SPOCK3: variants seen among roughly 807,000 people sequenced by gnomAD.
SPOCK3 encodes the protein SPARC (osteonectin), cwcv and kazal like domains proteoglycan 3, also known as testican-3.
SPOCK3 carries 30 observed loss-of-function variants against 56.6 expected under a neutral mutation model. The observed-to-expected ratio is 0.53, with a 90% CI of 0.40 to 0.72. The LOEUF (loss-of-function observed/expected upper bound fraction) is 0.72, where lower values mean the gene tolerates loss of function less well. Ranked by LOEUF, SPOCK3 falls within the 30% of genes least tolerant of loss-of-function variation. The pLI is 0.00. For missense variants in SPOCK3, 527 were observed against 530.0 expected (o/e 0.99, Z 0.06); for synonymous variants, 196 against 183.3 (o/e 1.07, Z -0.56).
At chr4:167,097,207 T>C (rs72699642) in intron 2 of SPOCK3, among the ~76,000 whole-genome samples, 14,125 of 151,962 alleles carry the variant, frequency 0.093, 949 homozygotes, top group Admixed American at 0.22. Context: ...ATATCTAACA[T>C]TTAAATAACT....
chr4:166,946,412 G>C (rs941580176), intron 4 of SPOCK3, among the ~76,000 whole-genome samples: 1 of 152,178 alleles, frequency 6.6e-6, no homozygotes, highest in Non-Finnish European at 1.5e-5. Context: ...CCCAGGCTCA[G>C]CCTGCTCCTG....
chr4:167,157,339 A>G (rs1427591681), intron 2 of SPOCK3, among the ~76,000 whole-genome samples: 1 of 152,134 alleles, frequency 6.6e-6, no homozygotes, highest in Non-Finnish European at 1.5e-5. Context: ...AAGGTGAAGC[A>G]TATAATAATT....
At chr4:167,164,850 T>C (rs1765621320) in intron 2 of SPOCK3, among the ~76,000 whole-genome samples, 1 of 152,170 alleles carries the variant, frequency 6.6e-6, no homozygotes, top group South Asian at 2.1e-4. Context: ...TGATGGGCAT[T>C]TGAATTGGTT....
chr4:167,156,794 T>C (rs895890649), intron 2 of SPOCK3, among the ~76,000 whole-genome samples: 1 of 152,034 alleles, frequency 6.6e-6, no homozygotes, highest in African/African-American at 2.4e-5. Flanking sequence ...CCAAAACATC[T>C]GGAGCTGAAA....
intron 4 of SPOCK3, among the ~76,000 whole-genome samples, chr4:166,997,092 T>TAAGTGAGA (rs1748460385): frequency 2.0e-5 from 3 of 151,794 alleles, no homozygotes; most frequent in South Asian, 2.1e-4. Flanking sequence ...TTCTCACTTA[T>TAAGTGAGA]AAGTGAGAGC....
At chr4:167,116,826 T>C (rs1354711768) in intron 2 of SPOCK3, among the ~76,000 whole-genome samples, 3 of 141,222 alleles carry the variant, frequency 2.1e-5, no homozygotes, top group African/African-American at 7.7e-5. Context: ...TGTATATATA[T>C]AAAAGTATAT....
intron 4 of SPOCK3, among the ~76,000 whole-genome samples, chr4:166,983,024 C>A (rs1746761154): frequency 6.6e-6 from 1 of 152,028 alleles, no homozygotes; most frequent in Non-Finnish European, 1.5e-5. Flanking sequence ...CTATATTGTA[C>A]AACTATATAC....
intron 6 of SPOCK3, among the ~76,000 whole-genome samples, chr4:166,815,041 T>C (rs1744238944): frequency 1.3e-5 from 2 of 152,152 alleles, no homozygotes; most frequent in Non-Finnish European, 2.9e-5. Flanking sequence ...TTTACTTTTA[T>C]CTTTTGATTC....
chr4:166,906,651 A>G (rs1209131474), intron 5 of SPOCK3, among the ~76,000 whole-genome samples: 4 of 151,996 alleles, frequency 2.6e-5, no homozygotes, highest in African/African-American at 9.7e-5. Flanking sequence ...TTTATCATGC[A>G]TAATATCTAA....
chr4:166,812,967 C>T (rs534873942), intron 6 of SPOCK3, among the ~76,000 whole-genome samples: 14 of 152,038 alleles, frequency 9.2e-5, no homozygotes, highest in South Asian at 6.2e-4. Flanking sequence ...TTTCCTCTCT[C>T]TTTAATGTAG....
intron 7 of SPOCK3, among the ~76,000 whole-genome samples, chr4:166,768,349 T>A (rs1040060834): frequency 1.3e-5 from 2 of 152,224 alleles, no homozygotes; most frequent in Admixed American, 6.5e-5. Flanking sequence ...CCATGTTTAG[T>A]GCTTCCTTCA....
At chr4:166,738,474 T>C (rs1310836929) in intron 9 of SPOCK3, among the ~76,000 whole-genome samples, 1 of 151,654 alleles carries the variant, frequency 6.6e-6, no homozygotes, top group Non-Finnish European at 1.5e-5. Context: ...TTTTCTTTTT[T>C]TATTATTATT....
chr4:167,197,581 T>C (rs1733077000), intron 2 of SPOCK3, among the ~76,000 whole-genome samples: 1 of 151,590 alleles, frequency 6.6e-6, no homozygotes, highest in South Asian at 2.1e-4. Context: ...TTTAAGATTG[T>C]ACTCGAATGT....
chr4:167,137,222 C>G (rs1763198041), intron 2 of SPOCK3, among the ~76,000 whole-genome samples: 1 of 151,750 alleles, frequency 6.6e-6, no homozygotes, highest in South Asian at 2.1e-4. Flanking sequence ...AGGCGATACC[C>G]AAATAAATAA....
intron 2 of SPOCK3, among the ~76,000 whole-genome samples, chr4:167,116,590 ATATATACATATATAC>A (rs774884539): frequency 1.7e-4 from 24 of 138,720 alleles, no homozygotes; most frequent in East Asian, 1.7e-3. Flanking sequence ...AGTTTTGTAT[ATATATACATATATAC>A]TATATACGTA....
At chr4:166,822,904 T>C (rs1745076724) in intron 6 of SPOCK3, among the ~76,000 whole-genome samples, 1 of 152,048 alleles carries the variant, frequency 6.6e-6, no homozygotes, top group Non-Finnish European at 1.5e-5. Flanking sequence ...AGCTCACATT[T>C]TTTCTTTTGC....
At chr4:167,186,653 C>CAA (rs70957818) in intron 2 of SPOCK3, among the ~76,000 whole-genome samples, 6 of 150,986 alleles carry the variant, frequency 4.0e-5, no homozygotes, top group Non-Finnish European at 8.9e-5. Context: ...ACAACAACAA[C>CAA]AAAAAAAACA....
At chr4:167,017,780 T>A (rs1750765898) in intron 3 of SPOCK3, among the ~76,000 whole-genome samples, 1 of 152,100 alleles carries the variant, frequency 6.6e-6, no homozygotes, top group Non-Finnish European at 1.5e-5. Flanking sequence ...GATAGCAATG[T>A]TTGACACAGC....
At chr4:166,962,501 G>C (rs1744247703) in intron 4 of SPOCK3, among the ~76,000 whole-genome samples, 1 of 152,086 alleles carries the variant, frequency 6.6e-6, no homozygotes, top group South Asian at 2.1e-4. Flanking sequence ...AGCAGCATTA[G>C]AGAACCTTCT....
Sources: allele counts gnomAD v4.1 joint callset (sites outside exome capture counted in the v4.1 genomes callset), GRCh38; gene constraint gnomAD v4.1.1; transcripts MANE v1.5; gene names NCBI Gene and HGNC (gene_info 2026-07-23, HGNC 2026-07-21).